The following TENM4 variants were observed in gnomAD, a reference collection of about 807,000 sequenced individuals.
TENM4 encodes teneurin transmembrane protein 4.
In TENM4, 82 loss-of-function variants were observed where a neutral mutation model predicts 243.3. The ratio of observed to expected loss-of-function variants is 0.34; its 90% CI spans 0.28 to 0.40. The LOEUF (loss-of-function observed/expected upper bound fraction) is 0.40, where lower values mean the gene tolerates loss of function less well. TENM4 is among the 10% of genes least tolerant of loss of function. The pLI is 1.00. For synonymous variants in TENM4, 1,412 were observed against 1,456.3 expected, an observed-to-expected ratio of 0.97 and a Z score of 0.69; for missense variants, 3,138 against 3,673.3, an observed-to-expected ratio of 0.85 and a Z score of 3.77.
chr11:78,960,326 A>C (rs2136528059), intron 6 of TENM4, among the ~76,000 whole-genome samples: 1 of 152,224 alleles, frequency 6.6e-6, no homozygotes, highest in East Asian at 1.9e-4. Context: ...ATCCTGTCAG[A>C]AGAGAATCAT....
At chr11:79,300,036 A>T (rs1856525648) in intron 1 of TENM4, among the ~76,000 whole-genome samples, 1 of 152,182 alleles carries the variant, frequency 6.6e-6, no homozygotes, top group Non-Finnish European at 1.5e-5. Context: ...CTCTTCCAGG[A>T]AGGCTTCTCC....
chr11:79,137,387 C>A (rs887917911), intron 4 of TENM4, among the ~76,000 whole-genome samples: 1 of 152,040 alleles, frequency 6.6e-6, no homozygotes, highest in Admixed American at 6.6e-5. Flanking sequence ...CTTAGTATTA[C>A]TCTGCCCTGT....
At chr11:79,108,845 C>T (rs1396952605) in intron 4 of TENM4, among the ~76,000 whole-genome samples, 6 of 152,180 alleles carry the variant, frequency 3.9e-5, no homozygotes, top group Non-Finnish European at 8.8e-5. Context: ...CCAAGGATCT[C>T]CTGGGCTCCT....
intron 2 of TENM4, among the ~76,000 whole-genome samples, chr11:79,231,780 T>C (rs565184555): frequency 9.5e-4 from 145 of 152,248 alleles, no homozygotes; most frequent in African/African-American, 3.4e-3. Flanking sequence ...AATGTGAAAA[T>C]GAATACTCCA....
intron 4 of TENM4, among the ~76,000 whole-genome samples, chr11:79,108,514 T>A (rs1861427567): frequency 6.6e-6 from 1 of 152,170 alleles, no homozygotes; most frequent in East Asian, 1.9e-4. Context: ...TGTGTATATA[T>A]ATATATGTAG....
intron 7 of TENM4, among the ~76,000 whole-genome samples, chr11:78,899,564 G>GGGC (rs1591112031): frequency 7.4e-6 from 1 of 134,844 alleles, no homozygotes; most frequent in Non-Finnish European, 1.6e-5. Context: ...AAAAGCGGGG[G>GGGC]GGGGGGGAAA....
At chr11:79,314,080 C>T (rs978517660) in intron 1 of TENM4, among the ~76,000 whole-genome samples, 7 of 152,192 alleles carry the variant, frequency 4.6e-5, no homozygotes, top group Admixed American at 1.3e-4. Flanking sequence ...TTAAGGAGGA[C>T]TGGATTTGCA....
chr11:78,790,331 C>A (rs1857027040), intron 15 of TENM4, among the ~76,000 whole-genome samples: 1 of 152,190 alleles, frequency 6.6e-6, no homozygotes, highest in Admixed American at 6.5e-5. Context: ...TGCAAGCTGC[C>A]AATTATGCAA....
intron 2 of TENM4, among the ~76,000 whole-genome samples, chr11:79,274,898 C>T (rs894769292): frequency 5.3e-5 from 8 of 152,176 alleles, no homozygotes; most frequent in South Asian, 2.1e-4. Flanking sequence ...GACTTCTCCC[C>T]GGGCCTCAGT....
intron 6 of TENM4, among the ~76,000 whole-genome samples, chr11:78,970,622 G>A (rs903529181): frequency 2.0e-5 from 3 of 152,170 alleles, no homozygotes; most frequent in Non-Finnish European, 2.9e-5. Context: ...GTCCAAGATC[G>A]TGGGCAAAGC....
chr11:79,276,082 C>T (rs911300162), intron 2 of TENM4, among the ~76,000 whole-genome samples: 6 of 152,208 alleles, frequency 3.9e-5, no homozygotes, highest in African/African-American at 1.4e-4. Context: ...CACCCACCCT[C>T]CTCATTTTAA....
At chr11:79,254,342 TGTAAG>T (rs1855664390) in intron 2 of TENM4, among the ~76,000 whole-genome samples, 2 of 152,222 alleles carry the variant, frequency 1.3e-5, no homozygotes, top group Admixed American at 1.3e-4. Flanking sequence ...TAATTAGTTT[TGTAAG>T]GACTGATAGT....
chr11:79,232,349 CAG>C (rs1370749487), intron 2 of TENM4, among the ~76,000 whole-genome samples: 3 of 152,230 alleles, frequency 2.0e-5, no homozygotes, highest in African/African-American at 7.2e-5. Context: ...CATGCTGGGG[CAG>C]AGTCTTCAGG....
chr11:79,359,966 G>A (rs140953333), intron 1 of TENM4, among the ~76,000 whole-genome samples: 32 of 152,230 alleles, frequency 2.1e-4, no homozygotes, highest in Admixed American at 6.5e-4. Flanking sequence ...CAAACTGTAC[G>A]CATGGCATGT....
Position 78,864,412 on chromosome 11 carries a change from C to T in TENM4, c.1085-1280G>A, listed in dbSNP as rs116653950. On this transcript the variant is annotated intron_variant, in intron 9 of 33. Transcript: ENST00000278550. Reference sequence around the variant, plus strand: ...TCCCGCCACTGCACTCCAGCCTGGGCGACAGAGCGAGACTCCGTCTCAAAA... The same window carrying T: ...TCCCGCCACTGCACTCCAGCCTGGGTGACAGAGCGAGACTCCGTCTCAAAA... Among the ~76,000 whole-genome samples the T allele has an allele frequency of 3.0e-3, 315 of 105,344 alleles. 1 individual carries two copies. Among genetic ancestry groups the T allele is most frequent in the African/African-American group, 0.011 (264 of 23,826 alleles). The allele number at this position is 105,344 out of a possible 152,430, so 69.1% of individuals were successfully genotyped here.
chr11:79,363,002 T>C (rs1468642749), intron 1 of TENM4, among the ~76,000 whole-genome samples: 2 of 152,232 alleles, frequency 1.3e-5, no homozygotes, highest in Non-Finnish European at 2.9e-5. Flanking sequence ...GCGATTAGTC[T>C]GACGTGGATG....
chr11:78,663,093 G>A (rs927252017), intron 32 of TENM4, among the ~76,000 whole-genome samples: 1 of 152,198 alleles, frequency 6.6e-6, no homozygotes, highest in Admixed American at 6.5e-5. Flanking sequence ...CAGATGGCAG[G>A]GGGAGGTGAA....
intron 6 of TENM4, among the ~76,000 whole-genome samples, chr11:79,061,522 G>A (rs762453405): frequency 4.6e-5 from 7 of 152,168 alleles, no homozygotes; most frequent in South Asian, 2.1e-4. Context: ...ACTATCAAAG[G>A]CTGAAACTCT....
At chr11:78,997,977 G>A (rs1858219407) in intron 6 of TENM4, among the ~76,000 whole-genome samples, 1 of 152,146 alleles carries the variant, frequency 6.6e-6, no homozygotes, top group Non-Finnish European at 1.5e-5. Context: ...AAGGCCATGT[G>A]AACACACAGT....
Sources: allele counts gnomAD v4.1 joint callset (sites outside exome capture counted in the v4.1 genomes callset), GRCh38; gene constraint gnomAD v4.1.1; transcripts MANE v1.5; gene names NCBI Gene and HGNC (gene_info 2026-07-23, HGNC 2026-07-21).